The following MEGF9 variants were observed in gnomAD, a reference collection of about 807,000 sequenced individuals.
MEGF9 encodes multiple epidermal growth factor-like domains protein 9.
Under a neutral mutation model 46.8 loss-of-function variants are expected in MEGF9, and 6 were observed. That is an observed-to-expected ratio of 0.13 (90% CI 0.07 to 0.25). The LOEUF is 0.25. MEGF9 is among the 10% of genes least tolerant of loss of function. The pLI is 1.00. For missense variants in MEGF9, 683 were observed against 792.4 expected (o/e 0.86, Z 1.66); for synonymous variants, 302 against 330.7 (o/e 0.91, Z 0.94).
In MEGF9 at chr9:120,655,912, C is replaced by T. The variant is rs149358964; in HGVS notation, c.803+3462G>A. ...TACCAATTATATCTGGAATTTAACACAGACTTCTCACACATTATTTTGTTT... is the reference window on the plus strand; with the variant it reads ...TACCAATTATATCTGGAATTTAACATAGACTTCTCACACATTATTTTGTTT... On this transcript the variant is annotated intron_variant, in intron 2 of 5. Coordinates refer to ENST00000373930, the MANE Select transcript of MEGF9 (RefSeq NM_001080497.3). Among the ~76,000 whole-genome samples, 321 of 152,304 alleles carry T rather than the reference C, an allele frequency of 2.1e-3. 1 individual carries two copies. Among genetic ancestry groups the T allele is most frequent in the African/African-American group, 7.3e-3 (302 of 41,562 alleles).
rs528702485 is a variant in MEGF9, at chr9:120,703,081, C to T, written c.601+10677G>A. On this transcript the variant is annotated intron_variant, in intron 1 of 5. Coordinates refer to ENST00000373930, the MANE Select transcript of MEGF9 (RefSeq NM_001080497.3). The stretch of plus-strand genomic sequence containing the variant: ...AAAATACAAGGGAAAATGTTACAAA[C>T]AAAAAATGAATCATTAATATAATAA... Among the ~76,000 whole-genome samples the T allele has an allele frequency of 1.1e-4, 16 of 152,178 alleles. No homozygotes were observed. In the East Asian group the frequency reaches 3.1e-3, roughly 29 times the overall value.
At chr9:120,701,949 A>T (rs1281978281) in intron 1 of MEGF9, among the ~76,000 whole-genome samples, 2 of 152,134 alleles carry the variant, frequency 1.3e-5, no homozygotes, top group African/African-American at 4.8e-5. Flanking sequence ...AGGCTGAGGC[A>T]GGCGAATAGC....
chr9:120,634,903 A>T (rs73550189), intron 2 of MEGF9, among the ~76,000 whole-genome samples: 8,628 of 152,082 alleles, frequency 0.057, 813 homozygotes, highest in African/African-American at 0.2. Flanking sequence ...ATCTTTTCTA[A>T]CAGTGAATGT....
intron 1 of MEGF9, among the ~76,000 whole-genome samples, chr9:120,688,155 AC>A (rs2043832075): frequency 6.6e-6 from 1 of 151,298 alleles, no homozygotes; most frequent in Admixed American, 6.6e-5. Flanking sequence ...ACACACACAC[AC>A]ACACACACAC....
At chr9:120,652,648 TTTTTTAA>T (rs1439399703) in intron 2 of MEGF9, among the ~76,000 whole-genome samples, 7 of 151,854 alleles carry the variant, frequency 4.6e-5, no homozygotes, top group Admixed American at 1.3e-4. Flanking sequence ...CTTTTAAACT[TTTTTTAA>T]TTTTTAATTT....
rs1345529428 is a variant in MEGF9 at position 120,601,755 on chromosome 9, T to C, written c.*3435A>G. ...TCTATAACTGGAGAAATTCCATTAA[T>C]AAAAGAACCCTAGGGGATAGAGGGT... On this transcript the variant is annotated 3_prime_UTR_variant, in exon 6 of 6. Transcript: ENST00000373930. The C allele has an allele frequency of 6.6e-6, 1 of 152,008 alleles. No individual in the cohort carries two copies. The highest frequency in any genetic ancestry group is 1.5e-5 in the Non-Finnish European group (1 of 67,984). 9.4% of individuals were successfully genotyped at this position (152,008 alleles called of 1,614,324 possible). A position where few individuals can be genotyped will look rare whatever the true frequency, so the allele number is the denominator to read the frequency against.
intron 3 of MEGF9, among the ~76,000 whole-genome samples, chr9:120,614,769 T>G (rs2043463788): frequency 6.6e-6 from 1 of 151,662 alleles, no homozygotes; most frequent in African/African-American, 2.4e-5. Flanking sequence ...GATAAAGTGC[T>G]AAGCTTTAAT....
At chr9:120,668,644 G>A (rs1318030310) in intron 1 of MEGF9, among the ~76,000 whole-genome samples, 13 of 152,108 alleles carry the variant, frequency 8.5e-5, no homozygotes, top group Admixed American at 8.5e-4. Context: ...GACAAGTTCT[G>A]GAAAAGGTTG....
chr9:120,704,936 T>C (rs2043921548), intron 1 of MEGF9, among the ~76,000 whole-genome samples: 1 of 152,210 alleles, frequency 6.6e-6, no homozygotes, highest in Non-Finnish European at 1.5e-5. Flanking sequence ...AAACAGGTCA[T>C]GTTATTCATA....
intron 1 of MEGF9, among the ~76,000 whole-genome samples, chr9:120,695,603 C>CAAAAAAAAAAA (rs370281228): frequency 0.014 from 264 of 18,684 alleles, 36 homozygotes; most frequent in African/African-American, 0.03. Flanking sequence ...GACCCCATCT[C>CAAAAAAAAAAA]AAAAAAAAAA....
intron 2 of MEGF9, among the ~76,000 whole-genome samples, chr9:120,654,886 T>G (rs1286035183): frequency 2.6e-5 from 4 of 151,988 alleles, no homozygotes; most frequent in Non-Finnish European, 5.9e-5. Context: ...ACACAAAAGT[T>G]TAATAAGTAA....
At chr9:120,624,430 G>A (rs921666935) in intron 2 of MEGF9, among the ~76,000 whole-genome samples, 1 of 151,940 alleles carries the variant, frequency 6.6e-6, no homozygotes, top group Non-Finnish European at 1.5e-5. Flanking sequence ...GTTTTCCCCT[G>A]TTGCCCAGGC....
chr9:120,657,585 T>C (rs1477447570), intron 2 of MEGF9, among the ~76,000 whole-genome samples: 2 of 152,194 alleles, frequency 1.3e-5, no homozygotes, highest in East Asian at 1.9e-4. Context: ...GGACACTCCA[T>C]GAGACACCAG....
intron 1 of MEGF9, among the ~76,000 whole-genome samples, chr9:120,675,867 G>A (rs181217995): frequency 0.028 from 3,144 of 110,446 alleles, 133 homozygotes; most frequent in African/African-American, 0.1. Flanking sequence ...CAGCCTGGCC[G>A]ACAGAGCGAG....
At chr9:120,664,704 A>G (rs1405242742) in intron 1 of MEGF9, among the ~76,000 whole-genome samples, 1 of 152,304 alleles carries the variant, frequency 6.6e-6, no homozygotes, top group East Asian at 1.9e-4. Context: ...ATCGCACTTA[A>G]GCATAGATTA....
In MEGF9 at chr9:120,603,701, C is replaced by T. The variant is rs1040235422; in HGVS notation, c.*1489G>A. Reference sequence around the variant, plus strand: ...ATGTCAATATCATAATAAACGAGAGCAACAGTAGTTGGCCTCTAGGAAAAA... The same window carrying T: ...ATGTCAATATCATAATAAACGAGAGTAACAGTAGTTGGCCTCTAGGAAAAA... On this transcript the variant is annotated 3_prime_UTR_variant, in exon 6 of 6. Transcript: ENST00000373930. 4.6e-5 allele frequency: 7 copies of T among 152,208 alleles called. No individual in the cohort carries two copies. Among genetic ancestry groups the T allele is most frequent in the Non-Finnish European group, 8.8e-5 (6 of 68,038 alleles). The allele number at this position is 152,208 out of a possible 1,614,324, so 9.4% of individuals were successfully genotyped here.
At chr9:120,659,788 AGTGTGT>A (rs67080202) in intron 1 of MEGF9, among the ~76,000 whole-genome samples, 4,340 of 143,076 alleles carry the variant, frequency 0.03, 78 homozygotes, top group African/African-American at 0.04. Context: ...TGTGTGTGAC[AGTGTGT>A]GTGTGTGTGT....
At position 120,601,628 on chromosome 9, in the gene MEGF9, T is replaced by C. The variant is rs2043396515; in HGVS notation, c.*3562A>G. On this transcript the variant is annotated 3_prime_UTR_variant, in exon 6 of 6. Coordinates refer to ENST00000373930, the MANE Select transcript of MEGF9 (RefSeq NM_001080497.3). ...CTCATCCCATGTTTCCTCTGTTCTCTACTCTTAAAATCTAGGTATCACTGG... is the reference window on the plus strand; with the variant it reads ...CTCATCCCATGTTTCCTCTGTTCTCCACTCTTAAAATCTAGGTATCACTGG... 1 of 152,240 alleles carries C rather than the reference T, an allele frequency of 6.6e-6. No individual in the cohort carries two copies. The highest frequency in any genetic ancestry group is 1.5e-5 in the Non-Finnish European group (1 of 68,032). 9.4% of individuals were successfully genotyped at this position (152,240 alleles called of 1,614,324 possible).
intron 3 of MEGF9, among the ~76,000 whole-genome samples, chr9:120,613,829 A>T (rs1237049921): frequency 6.6e-6 from 1 of 152,210 alleles, no homozygotes; most frequent in East Asian, 1.9e-4. Flanking sequence ...CATTTTACAA[A>T]GTAAGCTAAC....
Sources: gnomAD v4.1 joint callset for allele counts (sites outside exome capture counted in the v4.1 genomes callset) on GRCh38, gnomAD v4.1.1 for gene constraint, MANE v1.5 for transcripts, NCBI Gene and HGNC (gene_info 2026-07-23, HGNC 2026-07-21) for gene names.